CCNB1: variants seen among roughly 807,000 people sequenced by gnomAD.
The protein encoded by CCNB1 is cyclin B1, also known as G2/mitotic-specific cyclin-B1.
In CCNB1, 26 loss-of-function variants were observed where a neutral mutation model predicts 44.4. The observed-to-expected ratio is 0.59, with a 90% CI of 0.43 to 0.81. CCNB1 has a LOEUF of 0.81. Ranked by LOEUF, CCNB1 falls within the 40% of genes least tolerant of loss-of-function variation. The pLI, the probability that CCNB1 is intolerant of heterozygous loss-of-function variation, is 0.00. For missense variants in CCNB1, 477 were observed against 520.9 expected, an observed-to-expected ratio of 0.92 and a Z score of 0.82; for synonymous variants, 195 against 181.4, an observed-to-expected ratio of 1.08 and a Z score of -0.60.
At chr5:69,169,441 A>G (rs1747411038) in intron 3 of CCNB1, among the ~76,000 whole-genome samples, 1 of 152,238 alleles carries the variant, frequency 6.6e-6, no homozygotes, top group Non-Finnish European at 1.5e-5. Flanking sequence ...TGAAATATGT[A>G]GCCAGCACAG....
At chr5:69,176,956 C>T (rs993271080) in intron 7 of CCNB1, 4 of 236,362 alleles carry the variant, frequency 1.7e-5, no homozygotes, top group Admixed American at 1.0e-4. Flanking sequence ...CAGCCTGGAG[C>T]GAGACTCCAT....
chr5:69,172,934 T>C (rs353656), intron 4 of CCNB1, among the ~76,000 whole-genome samples: 91,038 of 151,680 alleles, frequency 0.6, 27,825 homozygotes, highest in African/African-American at 0.71. Context: ...CCACCACGCC[T>C]GGCTAATTTT....
chr5:69,176,989 A>C, intron 7 of CCNB1: 1 of 308,394 alleles, frequency 3.2e-6, no homozygotes, highest in Non-Finnish European at 6.0e-6. Flanking sequence ...AAAAATTACA[A>C]AGTTGGCCTC....
At chr5:69,175,696 G>A (rs1264767748) in intron 7 of CCNB1, among the ~76,000 whole-genome samples, 159 bp downstream of exon 7, 1 of 152,062 alleles carries the variant, frequency 6.6e-6, no homozygotes, top group Non-Finnish European at 1.5e-5. Context: ...ACATCTTTTT[G>A]TTTTTGAGAC....
rs1214651515 is a variant in CCNB1, at chr5:69,168,233, A to G, written c.253A>G (p.Lys85Glu). The change falls in exon 3 of 9, where the codon AAG becomes GAG. Residue 85 changes from lysine (K) to glutamate (E), a missense_variant. Transcript: ENST00000256442. ...TAAAAAACTACCAAAACCTCTTGAA[A>G]AGGTACCTATGCTGGTGCCAGTGCC... ...IDKKLPKPLEKVPMLVPVPVS... is the reference protein window; with the variant it reads ...IDKKLPKPLEEVPMLVPVPVS... The G allele has an allele frequency of 6.2e-7, 1 of 1,614,218 alleles. No individual in the cohort carries two copies. Among genetic ancestry groups the G allele is most frequent in the Non-Finnish European group, 8.5e-7 (1 of 1,180,044 alleles).
At chr5:69,167,777 A>C in intron 1 of CCNB1, 131 bp from the exon 2 acceptor site, 2 of 762,304 alleles carry the variant, frequency 2.6e-6, no homozygotes, top group Non-Finnish European at 4.2e-6. Context: ...TCTGGGACCC[A>C]TGTTTTCCCT....
chr5:69,170,241 A>G (rs1747431009), intron 3 of CCNB1, among the ~76,000 whole-genome samples: 1 of 151,932 alleles, frequency 6.6e-6, no homozygotes, highest in Admixed American at 6.6e-5. Flanking sequence ...TCGGCCTTCC[A>G]AAGTGCTGGG....
chr5:69,167,632 A>T (rs181292791), intron 1 of CCNB1: 1 of 508,006 alleles, frequency 2.0e-6, no homozygotes, highest in East Asian at 3.5e-5. Flanking sequence ...GGTGTCTGCA[A>T]TTGGAGGCTT....
Position 69,175,460 on chromosome 5 carries a change from A to G in CCNB1, c.1006A>G (p.Met336Val). Reference sequence around the variant, plus strand: ...GGAACTAACTATGTTGGACTATGACATGGTGCACTTTCCTCCTTCTCAAAT... The same window carrying G: ...GGAACTAACTATGTTGGACTATGACGTGGTGCACTTTCCTCCTTCTCAAAT... ...LMELTMLDYD[M>V]VHFPPSQIAA... The change falls in exon 7 of 9, where the codon ATG becomes GTG. Residue 336 changes from methionine to valine, a missense_variant. Met to Val is a conservative substitution (Grantham distance 21). Coordinates refer to ENST00000256442, the MANE Select transcript of CCNB1 (RefSeq NM_031966.4). 5 of 1,614,104 alleles carry G rather than the reference A, an allele frequency of 3.1e-6. No homozygotes were observed. Among genetic ancestry groups the G allele is most frequent in the Middle Eastern group, 1.6e-4 (1 of 6,062 alleles).
In CCNB1 at chr5:69,175,084, T is replaced by A; in HGVS notation, c.913T>A (p.Phe305Ile). 3 of 1,613,688 alleles carry A rather than the reference T, an allele frequency of 1.9e-6. No individual in the cohort carries two copies. Among genetic ancestry groups the A allele is most frequent in the Non-Finnish European group, 2.5e-6 (3 of 1,179,640 alleles). Residue 305 changes from phenylalanine (F) to isoleucine (I), a missense_variant, in exon 6 of 9, where the codon TTC (phenylalanine) becomes ATC (isoleucine). Phe to Ile is a conservative substitution (Grantham distance 21). Transcript: ENST00000256442. ...FGLGRPLPLH[F>I]LRRASKIGEV... The stretch of plus-strand genomic sequence containing the variant: ...TCTGGGTCGGCCTCTACCTTTGCAC[T>A]TCCTTCGGAGAGCATCTAAGATTGG...
At chr5:69,170,759 A>G (rs546076383) in intron 3 of CCNB1, among the ~76,000 whole-genome samples, 6 of 151,824 alleles carry the variant, frequency 4.0e-5, no homozygotes, top group Admixed American at 3.9e-4. Context: ...CTGAGTAGTT[A>G]GGACTGTAGG....
chr5:69,173,806 G>C (rs965040559), intron 4 of CCNB1, among the ~76,000 whole-genome samples: 2 of 151,146 alleles, frequency 1.3e-5, no homozygotes, highest in Admixed American at 6.6e-5. Context: ...GTCTCACTCT[G>C]TCACCCAGGC....
At chr5:69,175,152 T>C in intron 6 of CCNB1, 39 bp downstream of exon 6, 1 of 1,415,052 alleles carries the variant, frequency 7.1e-7, no homozygotes, top group Non-Finnish European at 1.0e-6. Context: ...ATGGGTACAT[T>C]AGGGGGAACA....
Position 69,177,281 on chromosome 5 carries a change from CT to C in CCNB1, c.1128del (p.Leu377PhefsTer11). ...TTACCTGTCATATACTGAAGAATCT[CT>C]TCTTCCAGTTATGCAGCACCTGGCT... ...QHYLSYTEESLLPVMQHLAKN... is the reference protein window; with the variant it reads ...QHYLSYTEESXLPVMQHLAKN... On this transcript the variant is annotated frameshift_variant, in exon 8 of 9. Coordinates refer to ENST00000256442, the MANE Select transcript of CCNB1 (RefSeq NM_031966.4). LOFTEE classifies it high-confidence loss of function. The C allele has an allele frequency of 6.2e-7, 1 of 1,612,644 alleles. No individual in the cohort carries two copies. Among genetic ancestry groups the C allele is most frequent in the Non-Finnish European group, 8.5e-7 (1 of 1,178,686 alleles).
At position 69,171,396 on chromosome 5, in the gene CCNB1, C is replaced by T; in HGVS notation, c.490C>T (p.Pro164Ser). Residue 164 changes from proline (P) to serine (S), a missense_variant, in exon 4 of 9, where the codon CCA becomes TCA. Transcript: ENST00000256442. ...NDVDAEDGAD[P>S]NLCSEYVKDI... ...TGTGGATGCAGAAGATGGAGCTGAT[C>T]CAAACCTTTGTAGTGAATATGTGAA... 1.2e-6 allele frequency: 2 copies of T among 1,613,844 alleles called. No homozygotes were observed. The highest frequency in any genetic ancestry group is 1.7e-6 in the Non-Finnish European group (2 of 1,179,902).
rs1489454340 is a variant in CCNB1, at chr5:69,175,326, A to G, written c.943-71A>G. On this transcript the variant is annotated intron_variant, in intron 6 of 8. Transcript: ENST00000256442. Reference sequence around the variant, plus strand: ...GACAAACATTTGTAGTTAAAGATACATATGGGCATGCAGGTTAGTGCCAAA... The same window carrying G: ...GACAAACATTTGTAGTTAAAGATACGTATGGGCATGCAGGTTAGTGCCAAA... 104 of 1,428,648 alleles carry G rather than the reference A, an allele frequency of 7.3e-5. No homozygotes were observed. In the East Asian group the frequency reaches 1.1e-3, roughly 15 times the overall value. The allele number at this position is 1,428,648 out of a possible 1,614,324, so 88.5% of individuals were successfully genotyped here. A position where few individuals can be genotyped will look rare whatever the true frequency, so the allele number is the denominator to read the frequency against.
chr5:69,174,899 T>C lies in CCNB1; in HGVS notation c.728T>C (p.Met243Thr). 1.2e-6 allele frequency: 2 copies of C among 1,614,100 alleles called. No individual in the cohort carries two copies. The highest frequency in any genetic ancestry group is 2.2e-5 in the East Asian group (1 of 44,880). Reference sequence around the variant, plus strand: ...CAGAATAATTGTGTGCCCAAGAAGATGCTGCAGCTGGTTGGTGTCACTGCC... The same window carrying C: ...CAGAATAATTGTGTGCCCAAGAAGACGCTGCAGCTGGTTGGTGTCACTGCC... Reference protein sequence around the residue: ...FMQNNCVPKKMLQLVGVTAMF... With the variant: ...FMQNNCVPKKTLQLVGVTAMF... The change falls in exon 6 of 9, where the codon ATG (methionine) becomes ACG (threonine). Residue 243 changes from methionine to threonine, a missense_variant. Physicochemically the swap from Met to Thr is moderately conservative, Grantham distance 81 (BLOSUM62 -1). Coordinates refer to ENST00000256442, the MANE Select transcript of CCNB1 (RefSeq NM_031966.4).
chr5:69,174,798 T>C, intron 5 of CCNB1, 79 bp from the exon 6 acceptor site: 1 of 1,096,458 alleles, frequency 9.1e-7, no homozygotes, highest in African/African-American at 1.6e-5. Context: ...TGGGAGAATG[T>C]CTTTCTACCT....
chr5:69,174,404 A>G lies in CCNB1; in HGVS notation c.700A>G (p.Met234Val), dbSNP rs779907665. The part of the protein sequence containing the change: ...YMTVSIIDRF[M>V]QNNCVPKKML... ...GACTGTCTCCATTATTGATCGGTTC[A>G]TGCAGGTGAGCATTTCAGTAAGAGT... Residue 234 changes from methionine to valine, a missense_variant, in exon 5 of 9, where the codon ATG (methionine) becomes GTG (valine). Met to Val is a conservative substitution (Grantham distance 21, BLOSUM62 1). Coordinates refer to ENST00000256442, the MANE Select transcript of CCNB1 (RefSeq NM_031966.4). The G allele has an allele frequency of 1.3e-5, 21 of 1,612,922 alleles. No individual in the cohort carries two copies. The highest frequency in any genetic ancestry group is 1.8e-5 in the Non-Finnish European group (21 of 1,179,716).
Sources: gnomAD v4.1 joint callset for allele counts (sites outside exome capture counted in the v4.1 genomes callset) on GRCh38, gnomAD v4.1.1 for gene constraint, MANE v1.5 for transcripts, NCBI Gene and HGNC (gene_info 2026-07-23, HGNC 2026-07-21) for gene names.